ARHGEF17: variants seen among roughly 807,000 people sequenced by gnomAD.
The protein encoded by ARHGEF17 is Rho guanine nucleotide exchange factor 17.
A neutral mutation model predicts 174.0 loss-of-function variants in ARHGEF17; 80 were observed. That is an observed-to-expected ratio of 0.46 (90% CI 0.38 to 0.55). The LOEUF (loss-of-function observed/expected upper bound fraction) is 0.55, where lower values mean the gene tolerates loss of function less well. Ranked by LOEUF, ARHGEF17 falls within the 20% of genes least tolerant of loss-of-function variation. The probability of loss-of-function intolerance (pLI) is 0.00; values close to 1 mark genes in which losing one functional copy is unlikely to be tolerated. For missense variants in ARHGEF17, 2,886 were observed against 2,839.7 expected (o/e 1.02, Z -0.37); for synonymous variants, 1,311 against 1,189.1 (o/e 1.10, Z -2.11).
chr11:73,310,048 G>T lies in ARHGEF17; in HGVS notation c.1410G>T (p.Glu470Asp). The T allele has an allele frequency of 6.2e-7, 1 of 1,614,182 alleles. No homozygotes were observed. Among genetic ancestry groups the T allele is most frequent in the Non-Finnish European group, 8.5e-7 (1 of 1,180,018 alleles). ...KSLSNPDIAS[E>D]TLTLLSFLRS... is the part of the protein sequence containing the mutation. ...TGTCAAATCCAGATATCGCCTCAGA[G>T]ACCCTGACGCTTCTCAGTTTCCTGC... Residue 470 changes from glutamate (E) to aspartate (D), a missense_variant, in exon 1 of 21, where the codon GAG becomes GAT. This residue lies in a region of ARHGEF17 where 1,728 missense variants were observed against 1,461.2 expected (regional missense o/e 1.18). Transcript: ENST00000263674.
intron 1 of ARHGEF17, among the ~76,000 whole-genome samples, chr11:73,321,250 C>A (rs780936505): frequency 6.8e-6 from 1 of 147,412 alleles, no homozygotes; most frequent in Non-Finnish European, 1.5e-5. Flanking sequence ...TGCCCACTGT[C>A]CTTGCTCCAC....
intron 2 of ARHGEF17, among the ~76,000 whole-genome samples, chr11:73,350,400 AG>A (rs1315303476): frequency 2.0e-5 from 3 of 152,192 alleles, no homozygotes; most frequent in Admixed American, 6.5e-5. Flanking sequence ...TGCTTGTCCA[AG>A]GTCACAGAGT....
At chr11:73,344,427 C>T (rs1040881835) in intron 1 of ARHGEF17, among the ~76,000 whole-genome samples, 4 of 152,232 alleles carry the variant, frequency 2.6e-5, no homozygotes, top group South Asian at 2.1e-4. Context: ...TCAGCCTCCC[C>T]GTGTCACCCC....
intron 1 of ARHGEF17, among the ~76,000 whole-genome samples, chr11:73,327,201 C>G (rs948592782): frequency 1.1e-4 from 17 of 152,190 alleles, no homozygotes; most frequent in Admixed American, 9.2e-4. Flanking sequence ...CTGCCTGCCC[C>G]CTGCTGACAC....
At chr11:73,319,304 C>T (rs186547597) in intron 1 of ARHGEF17, among the ~76,000 whole-genome samples, 39 of 152,250 alleles carry the variant, frequency 2.6e-4, no homozygotes, top group African/African-American at 9.1e-4. Context: ...CCTCGTGATC[C>T]GCCTGCCTCG....
At position 73,355,631 on chromosome 11, in the gene ARHGEF17, C is replaced by G; in HGVS notation, c.3552C>G (p.Ala1184=). 1 of 1,614,044 alleles carries G rather than the reference C, an allele frequency of 6.2e-7. No individual in the cohort carries two copies. Among genetic ancestry groups the G allele is most frequent in the Non-Finnish European group, 8.5e-7 (1 of 1,179,882 alleles). The part of the protein sequence containing the change: ...AVRVAKEARP[A]FLKFLEQSMR... ...GTGTGGCCAAGGAGGCGAGGCCTGC[C>G]TTTCTCAAGTTCCTAGAGGTACTGT... is the stretch of plus-strand genomic sequence containing the variant. Residue 1184 remains alanine (A), a synonymous_variant, in exon 4 of 21, where the codon GCC becomes GCG. Transcript: ENST00000263674.
intron 1 of ARHGEF17, among the ~76,000 whole-genome samples, chr11:73,326,239 C>A (rs770938684): frequency 5.3e-5 from 8 of 152,136 alleles, no homozygotes; most frequent in Non-Finnish European, 1.2e-4. Flanking sequence ...GAAGGACTAG[C>A]CAGACCTTGA....
chr11:73,327,928 C>T (rs1272445858), intron 1 of ARHGEF17, among the ~76,000 whole-genome samples: 1 of 152,106 alleles, frequency 6.6e-6, no homozygotes, highest in African/African-American at 2.4e-5. Flanking sequence ...TGAGTACTCA[C>T]GTGTTAGTAC....
intron 1 of ARHGEF17, among the ~76,000 whole-genome samples, chr11:73,324,275 C>G (rs1278303224): frequency 6.6e-6 from 1 of 152,090 alleles, no homozygotes; most frequent in African/African-American, 2.4e-5. Context: ...TGATTCTGGT[C>G]GGGTGGATCC....
At position 73,311,204 on chromosome 11, in the gene ARHGEF17, A is replaced by G. The variant is rs1437576855; in HGVS notation, c.2566A>G (p.Met856Val). ...GGAGCCCATCCGAGAAGTTGAGCCC[A>G]TGCTGCCTCCATCCAGCAGCGAGCC... ...GGEPIREVEP[M>V]LPPSSSEPIL... Residue 856 changes from methionine (M) to valine (V), a missense_variant, in exon 1 of 21, where the codon ATG becomes GTG. Physicochemically the swap from Met to Val is conservative, Grantham distance 21. This residue lies in a region of ARHGEF17 where 1,728 missense variants were observed against 1,461.2 expected (regional missense o/e 1.18). Transcript: ENST00000263674. The G allele has an allele frequency of 1.9e-6, 3 of 1,600,768 alleles. No homozygotes were observed. The highest frequency in any genetic ancestry group is 1.1e-5 in the South Asian group (1 of 90,236).
chr11:73,355,734 C>A, intron 4 of ARHGEF17, 85 bp downstream of exon 4: 1 of 1,558,094 alleles, frequency 6.4e-7, no homozygotes, highest in Non-Finnish European at 8.8e-7. Context: ...GCGTGGGTAC[C>A]ATAGTCCCAG....
chr11:73,334,352 C>T (rs1394820653), intron 1 of ARHGEF17, among the ~76,000 whole-genome samples: 1 of 152,080 alleles, frequency 6.6e-6, no homozygotes, highest in African/African-American at 2.4e-5. Context: ...GCAGCCCAGG[C>T]AGAGGAGCAG....
At chr11:73,358,913 C>G (rs547245640) in intron 9 of ARHGEF17, among the ~76,000 whole-genome samples, 46 of 152,192 alleles carry the variant, frequency 3.0e-4, no homozygotes, top group Admixed American at 7.9e-4. Flanking sequence ...ACTCTTCTTC[C>G]CGTAGACACA....
At position 73,356,901 on chromosome 11, in the gene ARHGEF17, T is replaced by G. The variant is rs1025891571; in HGVS notation, c.3892-124T>G. 3.6e-5 allele frequency: 54 copies of G among 1,491,632 alleles called. No homozygotes were observed. The East Asian group carries it at 5.1e-4, about 14-fold the overall frequency. 92.4% of individuals were successfully genotyped at this position (1,491,632 alleles called of 1,614,324 possible). A position where few individuals can be genotyped will look rare whatever the true frequency, so the allele number is the denominator to read the frequency against. ...TCGAGTCCCCACTCTGCTCTGACTC[T>G]CTGGGAAGCTGGGGAAGAGCCCTCA... On this transcript the variant is annotated intron_variant, in intron 7 of 20. Transcript: ENST00000263674.
chr11:73,361,777 C>T (rs1429284257), intron 12 of ARHGEF17, among the ~76,000 whole-genome samples: 29 of 151,862 alleles, frequency 1.9e-4, no homozygotes, highest in Admixed American at 1.9e-3. Context: ...TTGCTTGAGC[C>T]CTGGAGGTCA....
intron 1 of ARHGEF17, among the ~76,000 whole-genome samples, chr11:73,322,926 G>A (rs1189924320): frequency 6.6e-6 from 1 of 152,126 alleles, no homozygotes; most frequent in Non-Finnish European, 1.5e-5. Flanking sequence ...GAACTGACTG[G>A]GAAGACAATT....
At chr11:73,329,359 A>ATTTT (rs1865161040) in intron 1 of ARHGEF17, among the ~76,000 whole-genome samples, 1 of 2,698 alleles carries the variant, frequency 3.7e-4, no homozygotes, top group Non-Finnish European at 9.1e-4. Flanking sequence ...ATATATATAT[A>ATTTT]TATATATATA....
rs753630210 is a variant in ARHGEF17, at chr11:73,355,615, A to G, written c.3536A>G (p.Lys1179Arg). Residue 1179 changes from lysine to arginine, a missense_variant, in exon 4 of 21, where the codon AAG (lysine) becomes AGG (arginine). Physicochemically the swap from Lys to Arg is conservative, Grantham distance 26. This residue lies in a region of ARHGEF17 where 353 missense variants were observed against 470.3 expected (regional missense o/e 0.75). Transcript: ENST00000263674. ...GCAAAGGATGCTGTGCGTGTGGCCA[A>G]GGAGGCGAGGCCTGCCTTTCTCAAG... ...LNAKDAVRVA[K>R]EARPAFLKFL... The G allele has an allele frequency of 1.2e-6, 2 of 1,614,128 alleles. No homozygotes were observed. Among genetic ancestry groups the G allele is most frequent in the Non-Finnish European group, 1.7e-6 (2 of 1,179,966 alleles).
Position 73,355,535 on chromosome 11 carries a change from C to T in ARHGEF17, c.3456C>T (p.Phe1152=). 2 of 1,612,766 alleles carry T rather than the reference C, an allele frequency of 1.2e-6. No individual in the cohort carries two copies. The highest frequency in any genetic ancestry group is 8.5e-7 in the Non-Finnish European group (1 of 1,178,790). ...CCAACCTGCCTCCTCCTCCACAGTT[C>T]TCCAAGGATGTCCTAGTAAACATCT... ...QKVGALLVQS[F]SKDVLVNIYS... Residue 1152 remains phenylalanine (F), a splice_region_variant and synonymous_variant, in exon 4 of 21, where the codon TTC becomes TTT. Transcript: ENST00000263674.
Sources: allele counts gnomAD v4.1 joint callset (sites outside exome capture counted in the v4.1 genomes callset), GRCh38; gene constraint gnomAD v4.1.1; regional missense constraint gnomAD v4.1.1; transcripts MANE v1.5; gene names NCBI Gene and HGNC (gene_info 2026-07-23, HGNC 2026-07-21).